Variants in CSE1L observed in about 807,000 individuals in gnomAD.
CSE1L encodes the protein chromosome segregation 1 like.
CSE1L carries 24 observed loss-of-function variants against 120.4 expected under a neutral mutation model. The ratio of observed to expected loss-of-function variants is 0.20; its 90% CI spans 0.14 to 0.28. The LOEUF is 0.28. Ranked by LOEUF, CSE1L falls within the 10% of genes least tolerant of loss-of-function variation. The probability of loss-of-function intolerance (pLI) is 1.00; values close to 1 mark genes in which losing one functional copy is unlikely to be tolerated. For missense variants in CSE1L, 830 were observed against 1,145.2 expected, an observed-to-expected ratio of 0.72 and a Z score of 3.97; for synonymous variants, 402 against 398.3, an observed-to-expected ratio of 1.01 and a Z score of -0.11.
chr20:49,061,664 G>A (rs6095417), intron 2 of CSE1L, among the ~76,000 whole-genome samples: 54,601 of 151,104 alleles, frequency 0.36, 10,664 homozygotes, highest in African/African-American at 0.53. Context: ...CACCACACCC[G>A]GCTAATTTTT....
At position 49,075,421 on chromosome 20, in the gene CSE1L, G is replaced by T; in HGVS notation, c.1236G>T (p.Met412Ile). 6.2e-7 allele frequency: 1 copy of T among 1,614,020 alleles called. No individual in the cohort carries two copies. Reference sequence around the variant, plus strand: ...TCTTCTCTGGTTATGTTAATTCCATGCTGCAGGAATACGCAAAAAATCCAT... The same window carrying T: ...TCTTCTCTGGTTATGTTAATTCCATTCTGCAGGAATACGCAAAAAATCCAT... ...TGIFSGYVNS[M>I]LQEYAKNPSV... Residue 412 changes from methionine to isoleucine, a missense_variant, in exon 12 of 25, where the codon ATG becomes ATT. By Grantham distance (10) the Met-to-Ile change is conservative. Around this residue, in one of 4 missense-constraint regions of CSE1L, gnomAD observed 543 missense variants for 640.2 expected, o/e 0.85. Transcript: ENST00000262982.
At chr20:49,069,039 G>A (rs911709294) in intron 7 of CSE1L, among the ~76,000 whole-genome samples, 5 of 152,048 alleles carry the variant, frequency 3.3e-5, no homozygotes, top group Non-Finnish European at 7.4e-5. Context: ...ATATCTAGTA[G>A]GTTAGCAAAA....
chr20:49,091,135 A>G, intron 21 of CSE1L, 113 bp downstream of exon 21: 3 of 795,964 alleles, frequency 3.8e-6, no homozygotes, highest in Non-Finnish European at 6.1e-6. Flanking sequence ...TATGCAAAAA[A>G]TACTTGGCCA....
chr20:49,057,744 G>C (rs2091820190), intron 1 of CSE1L, among the ~76,000 whole-genome samples: 1 of 152,104 alleles, frequency 6.6e-6, no homozygotes, highest in African/African-American at 2.4e-5. Context: ...CGATTCTCCT[G>C]CCTCAGCCTC....
intron 24 of CSE1L, 23 bp downstream of exon 24, chr20:49,094,986 C>T: frequency 6.3e-7 from 1 of 1,585,562 alleles, no homozygotes. Flanking sequence ...TCAAAGAACT[C>T]TGTGATAAAT....
At chr20:49,067,398 C>A in intron 6 of CSE1L, 118 bp downstream of exon 6, 1 of 646,124 alleles carries the variant, frequency 1.5e-6, no homozygotes, top group Non-Finnish European at 2.5e-6. Flanking sequence ...TAGAGCATTT[C>A]TTTTGAAAAA....
Position 49,089,908 on chromosome 20 carries a change from AG to A in CSE1L, c.2181+164del, listed in dbSNP as rs1263698398. On this transcript the variant is annotated intron_variant, in intron 19 of 24. Coordinates refer to ENST00000262982, the MANE Select transcript of CSE1L (RefSeq NM_001316.4). ...TCTAGTGGGAGGATCCCTTGAGCCGAGGAGTTTAAGACCAGCCTAGGCAACG... is the reference window on the plus strand; with the variant it reads ...TCTAGTGGGAGGATCCCTTGAGCCGAGAGTTTAAGACCAGCCTAGGCAACG... Among the ~76,000 whole-genome samples the A allele has an allele frequency of 2.0e-5, 3 of 152,134 alleles. No individual in the cohort carries two copies. In the East Asian group the frequency reaches 5.8e-4, roughly 29 times the overall value.
chr20:49,047,527 C>G (rs1428805293), intron 1 of CSE1L, among the ~76,000 whole-genome samples: 1 of 134,436 alleles, frequency 7.4e-6, no homozygotes, highest in Non-Finnish European at 1.6e-5. Context: ...TAACCAACCT[C>G]TTCTTTTGTT....
chr20:49,080,672 C>T (rs6125535), intron 14 of CSE1L, among the ~76,000 whole-genome samples: 14,743 of 152,058 alleles, frequency 0.097, 919 homozygotes, highest in Non-Finnish European at 0.13. Flanking sequence ...GACGGGGTTT[C>T]TCCATGTTGG....
Position 49,088,031 on chromosome 20 carries a change from C to G in CSE1L, c.1746C>G (p.Leu582=), listed in dbSNP as rs910188512. ...CAGCTATCATGAGAAGTTTTTCTCT[C>G]CTACAAGAAGCCATAATCCCCTACA... ...IMKAIMRSFS[L]LQEAIIPYIP... The change falls in exon 17 of 25, where the codon CTC becomes CTG. Residue 582 remains leucine, a synonymous_variant. Transcript: ENST00000262982. The G allele has an allele frequency of 6.2e-7, 1 of 1,607,542 alleles. No homozygotes were observed. Among genetic ancestry groups the G allele is most frequent in the Non-Finnish European group, 8.5e-7 (1 of 1,176,646 alleles).
intron 8 of CSE1L, 78 bp downstream of exon 8, chr20:49,070,375 A>G (rs1010542120): frequency 4.3e-6 from 3 of 693,324 alleles, no homozygotes; most frequent in Non-Finnish European, 7.6e-6. Context: ...AAACCTATTT[A>G]CTCTTGCATT....
chr20:49,089,120 G>T, intron 17 of CSE1L, 127 bp from the exon 18 acceptor site: 1 of 776,930 alleles, frequency 1.3e-6, no homozygotes, highest in Non-Finnish European at 1.9e-6. Context: ...ACAAGCACTA[G>T]GGTATAATTG....
At chr20:49,092,263 T>C (rs1422815105) in intron 22 of CSE1L, 136 bp downstream of exon 22, 1 of 563,988 alleles carries the variant, frequency 1.8e-6, no homozygotes, top group Non-Finnish European at 3.1e-6. Flanking sequence ...CAAAATATTC[T>C]TAGGTATTGG....
chr20:49,053,808 C>T (rs1476467149), intron 1 of CSE1L, among the ~76,000 whole-genome samples: 2 of 152,188 alleles, frequency 1.3e-5, no homozygotes, highest in African/African-American at 2.4e-5. Context: ...CCCACCTTAG[C>T]CTCCCAAGTA....
rs538256030 is a variant in CSE1L, at chr20:49,091,678, C to T, written c.2366-368C>T. On this transcript the variant is annotated intron_variant, in intron 21 of 24. Transcript: ENST00000262982. ...GTTAAGGCTGCGTGAGCTGTGATCA[C>T]GCTCCTGCACCCAGCCTAGGTGATA... 7.2e-5 allele frequency among the ~76,000 whole-genome samples: 11 copies of T among 152,248 alleles called. 1 individual carries two copies. In the East Asian group the frequency reaches 7.7e-4, roughly 11 times the overall value.
In CSE1L at chr20:49,066,311, T is replaced by C; in HGVS notation, c.330+18T>C. The C allele has an allele frequency of 1.9e-6, 3 of 1,614,154 alleles. No individual in the cohort carries two copies. The highest frequency in any genetic ancestry group is 2.5e-6 in the Non-Finnish European group (3 of 1,180,010). ...AGAAGCAGGTAATGTCGCTCCACTT[T>C]TTAGATGGGCTCCTCTGTAAAGCTC... On this transcript the variant is annotated intron_variant, in intron 4 of 24. Transcript: ENST00000262982.
intron 1 of CSE1L, among the ~76,000 whole-genome samples, chr20:49,052,129 T>C (rs758418982): frequency 6.6e-5 from 10 of 152,210 alleles, no homozygotes; most frequent in Non-Finnish European, 4.4e-5. Context: ...CTGCTAATGA[T>C]TGATCTGAAG....
chr20:49,059,849 C>A (rs1436107355), intron 2 of CSE1L, among the ~76,000 whole-genome samples: 1 of 151,622 alleles, frequency 6.6e-6, no homozygotes, highest in East Asian at 1.9e-4. Context: ...CACTGCACTC[C>A]AGCCTGGGTG....
Position 49,065,141 on chromosome 20 carries a change from G to C in CSE1L, c.229-1051G>C, listed in dbSNP as rs138270561. Among the ~76,000 whole-genome samples, 157 of 133,870 alleles carry C rather than the reference G, an allele frequency of 1.2e-3. 4 individuals are homozygous for C. In the East Asian group the frequency reaches 0.031, roughly 27 times the overall value. The allele number at this position is 133,870 out of a possible 152,430, so 87.8% of individuals were successfully genotyped here. A position where few individuals can be genotyped will look rare whatever the true frequency, so the allele number is the denominator to read the frequency against. Reference sequence around the variant, plus strand: ...GTGCTACCCTCCAGCCTGGGTGACAGATGGAAACCCAGTCTCAAAAAAAAA... The same window carrying C: ...GTGCTACCCTCCAGCCTGGGTGACACATGGAAACCCAGTCTCAAAAAAAAA... On this transcript the variant is annotated intron_variant, in intron 3 of 24. Transcript: ENST00000262982.
Sources: gnomAD v4.1 joint callset for allele counts (sites outside exome capture counted in the v4.1 genomes callset) on GRCh38, gnomAD v4.1.1 for gene constraint, gnomAD v4.1.1 regional missense constraint, MANE v1.5 for transcripts, NCBI Gene and HGNC (gene_info 2026-07-23, HGNC 2026-07-21) for gene names.